The following ECT2L variants were observed in gnomAD, a reference collection of about 807,000 sequenced individuals.
ECT2L encodes epithelial cell-transforming sequence 2 oncogene-like.
Under a neutral mutation model 122.8 loss-of-function variants are expected in ECT2L, and 126 were observed. That is an observed-to-expected ratio of 1.03 (90% CI 0.89 to 1.19). ECT2L has a LOEUF of 1.19. Among genes scored for constraint, ECT2L ranks in the 50% most tolerant of loss-of-function variants. The pLI is 0.00. For missense variants in ECT2L, 1,012 were observed against 1,064.1 expected, an observed-to-expected ratio of 0.95 and a Z score of 0.68; for synonymous variants, 385 against 381.8, an observed-to-expected ratio of 1.01 and a Z score of -0.10.
intron 4 of ECT2L, among the ~76,000 whole-genome samples, chr6:138,821,893 T>G (rs1379544483): frequency 6.6e-6 from 1 of 152,210 alleles, no homozygotes; most frequent in Non-Finnish European, 1.5e-5. Flanking sequence ...CTGCTGGGTT[T>G]GAAGACGGAG....
At chr6:138,892,834 G>T (rs2128412343) in intron 20 of ECT2L, among the ~76,000 whole-genome samples, 1 of 152,252 alleles carries the variant, frequency 6.6e-6, no homozygotes, top group South Asian at 2.1e-4. Context: ...GACACGATGT[G>T]TCAGGTAAAA....
intron 1 of ECT2L, among the ~76,000 whole-genome samples, chr6:138,801,694 G>T (rs1022641528): frequency 2.6e-5 from 4 of 152,178 alleles, no homozygotes; most frequent in African/African-American, 9.7e-5. Flanking sequence ...GGTGGAAGTT[G>T]CAGTGAGCCA....
At chr6:138,811,704 CTGTCAGTGATGGA>C (rs987973302) in intron 1 of ECT2L, among the ~76,000 whole-genome samples, 1 of 152,094 alleles carries the variant, frequency 6.6e-6, no homozygotes, top group African/African-American at 2.4e-5. Context: ...TGGACTCTCG[CTGTCAGTGATGGA>C]TGTCAGTGAT....
At chr6:138,841,442 T>A (rs1777037116) in intron 5 of ECT2L, among the ~76,000 whole-genome samples, 1 of 152,240 alleles carries the variant, frequency 6.6e-6, no homozygotes, top group Non-Finnish European at 1.5e-5. Context: ...ATGAGATGTT[T>A]CAAAGCTGGC....
chr6:138,892,066 T>C (rs905126894), intron 20 of ECT2L, among the ~76,000 whole-genome samples: 1 of 152,192 alleles, frequency 6.6e-6, no homozygotes, highest in African/African-American at 2.4e-5. Context: ...CCATTATGCA[T>C]ATGATTTGCC....
intron 5 of ECT2L, among the ~76,000 whole-genome samples, chr6:138,842,148 C>T (rs2128388788): frequency 6.6e-6 from 1 of 152,254 alleles, no homozygotes; most frequent in South Asian, 2.1e-4. Flanking sequence ...GATAGTAAGT[C>T]AGTAATAGCA....
intron 10 of ECT2L, among the ~76,000 whole-genome samples, chr6:138,855,565 A>G (rs1477161032): frequency 6.6e-6 from 1 of 152,222 alleles, no homozygotes; most frequent in African/African-American, 2.4e-5. Context: ...CAAAATATTA[A>G]CAGCACCTAT....
At chr6:138,798,828 A>G (rs1355847082) in intron 1 of ECT2L, among the ~76,000 whole-genome samples, 1 of 152,216 alleles carries the variant, frequency 6.6e-6, no homozygotes, top group East Asian at 1.9e-4. Flanking sequence ...ATGAAAACCT[A>G]ACTTAGGAGT....
intron 20 of ECT2L, 60 bp downstream of exon 20, chr6:138,889,091 C>T (rs1778930070): frequency 1.1e-6 from 1 of 879,708 alleles, no homozygotes; most frequent in Admixed American, 2.6e-5. Context: ...GACTGTCTTA[C>T]TCATCCTGTA....
chr6:138,838,587 C>T, intron 5 of ECT2L, 73 bp downstream of exon 5: 1 of 1,448,688 alleles, frequency 6.9e-7, no homozygotes, highest in Non-Finnish European at 9.1e-7. Context: ...ACTGGGGTAG[C>T]TCCCGTCCCT....
At chr6:138,886,805 G>A in intron 18 of ECT2L, 52 bp from the exon 19 acceptor site, 1 of 1,244,222 alleles carries the variant, frequency 8.0e-7, no homozygotes, top group Non-Finnish European at 1.2e-6. Flanking sequence ...TTTCTTTTAT[G>A]AATAAAAATG....
intron 4 of ECT2L, among the ~76,000 whole-genome samples, chr6:138,820,249 A>T (rs892948718): frequency 6.6e-6 from 1 of 151,916 alleles, no homozygotes; most frequent in South Asian, 2.1e-4. Flanking sequence ...GCGTGTAGAT[A>T]TTAATTCTGC....
intron 9 of ECT2L, among the ~76,000 whole-genome samples, chr6:138,852,565 C>G (rs1777486864): frequency 6.6e-6 from 1 of 151,982 alleles, no homozygotes; most frequent in East Asian, 1.9e-4. Flanking sequence ...CCTGAGACAC[C>G]CGTCAAATTG....
intron 20 of ECT2L, 99 bp downstream of exon 20, chr6:138,889,130 C>T (rs1275976437): frequency 2.0e-6 from 1 of 502,444 alleles, no homozygotes; most frequent in Non-Finnish European, 3.3e-6. Flanking sequence ...ATGTCTGACA[C>T]AGTAGGTTTG....
intron 20 of ECT2L, among the ~76,000 whole-genome samples, chr6:138,896,897 C>T (rs571858954): frequency 6.6e-6 from 1 of 152,232 alleles, no homozygotes; most frequent in East Asian, 1.9e-4. Context: ...CTGCCCACCT[C>T]GGCCTCCCAA....
chr6:138,857,047 C>T (rs758972237), intron 10 of ECT2L, among the ~76,000 whole-genome samples: 5 of 152,156 alleles, frequency 3.3e-5, no homozygotes, highest in Non-Finnish European at 2.9e-5. Context: ...GTCTTCCCTT[C>T]GCCCTGATGG....
At chr6:138,894,486 C>T (rs1359023765) in intron 20 of ECT2L, among the ~76,000 whole-genome samples, 1 of 152,162 alleles carries the variant, frequency 6.6e-6, no homozygotes, top group African/African-American at 2.4e-5. Flanking sequence ...TCATTTTATG[C>T]TCTAATTGTG....
At chr6:138,870,372 T>A (rs1280254365) in intron 13 of ECT2L, 1 of 152,640 alleles carries the variant, frequency 6.6e-6, no homozygotes, top group Non-Finnish European at 1.5e-5. Flanking sequence ...GTTAGGCACA[T>A]GTGATAAAGA....
rs2128368947 is a variant in ECT2L, at chr6:138,803,934, G to T, written c.-244+7742G>T. Among the ~76,000 whole-genome samples, 3 of 152,262 alleles carry T rather than the reference G, an allele frequency of 2.0e-5. 1 individual carries two copies. The South Asian group carries it at 6.2e-4, about 32-fold the overall frequency. Reference sequence around the variant, plus strand: ...CTGACTCTTTAATAAAGTTTCTTCAGCTACACCAAGCCACGTTGTACTCTC... The same window carrying T: ...CTGACTCTTTAATAAAGTTTCTTCATCTACACCAAGCCACGTTGTACTCTC... On this transcript the variant is annotated intron_variant, in intron 1 of 21. Coordinates refer to ENST00000541398, the MANE Select transcript of ECT2L (RefSeq NM_001077706.3).
Sources: allele counts gnomAD v4.1 joint callset (sites outside exome capture counted in the v4.1 genomes callset), GRCh38; gene constraint gnomAD v4.1.1; transcripts MANE v1.5; gene names NCBI Gene and HGNC (gene_info 2026-07-23, HGNC 2026-07-21).